Variants in NBEAL1 observed in about 807,000 individuals in gnomAD.
NBEAL1 encodes neurobeachin-like protein 1.
Under a neutral mutation model 351.3 loss-of-function variants are expected in NBEAL1, and 273 were observed. That is an observed-to-expected ratio of 0.78 (90% confidence interval 0.70 to 0.86). NBEAL1 has a LOEUF of 0.86. Among genes scored for constraint, NBEAL1 ranks in the 40% least tolerant of loss-of-function variants. The probability of loss-of-function intolerance (pLI) is 0.00; values close to 1 mark genes in which losing one functional copy is unlikely to be tolerated. For synonymous variants in NBEAL1, 1,050 were observed against 1,086.4 expected (o/e 0.97, Z 0.66); for missense variants, 2,961 against 3,201.3 (o/e 0.92, Z 1.81).
chr2:203,156,411 A>G (rs1297234158), intron 35 of NBEAL1, among the ~76,000 whole-genome samples: 1 of 152,186 alleles, frequency 6.6e-6, no homozygotes, highest in African/African-American at 2.4e-5. Flanking sequence ...CAGATTTTCA[A>G]TTCATACTGT....
upstream of NBEAL1, chr2:203,014,683 A>C (rs2060646765): frequency 6.6e-6 from 1 of 152,334 alleles, no homozygotes; most frequent in Non-Finnish European, 1.5e-5. Context: ...ATGGGCAGCC[A>C]GAGCCTGTCG....
intron 2 of NBEAL1, among the ~76,000 whole-genome samples, chr2:203,031,658 C>A (rs2060950913): frequency 6.6e-6 from 1 of 151,922 alleles, no homozygotes; most frequent in East Asian, 1.9e-4. Flanking sequence ...AAAAAAGTGA[C>A]CTGGCAGTTT....
intron 31 of NBEAL1, among the ~76,000 whole-genome samples, chr2:203,140,095 G>A (rs1010304362): frequency 1.6e-4 from 25 of 151,840 alleles, no homozygotes; most frequent in Admixed American, 8.5e-4. Flanking sequence ...GAGGTCCGAA[G>A]TTTGAGACCA....
chr2:203,210,889 A>G (rs2065769617), intron 53 of NBEAL1, 69 bp from the exon 54 acceptor site: 5 of 855,174 alleles, frequency 5.8e-6, no homozygotes, highest in Non-Finnish European at 8.8e-6. Flanking sequence ...TTATAGTCAG[A>G]GTTTTAACTG....
intron 6 of NBEAL1, among the ~76,000 whole-genome samples, chr2:203,059,408 T>C (rs995844938): frequency 1.3e-5 from 2 of 152,268 alleles, no homozygotes; most frequent in Admixed American, 1.3e-4. Flanking sequence ...GAGCCTCTAC[T>C]CATCAGAGCT....
At chr2:203,209,452 C>A in intron 53 of NBEAL1, 130 bp downstream of exon 53, 1 of 684,322 alleles carries the variant, frequency 1.5e-6, no homozygotes, top group Non-Finnish European at 2.4e-6. Context: ...TTTCATCATT[C>A]AGTTGTTCGT....
At chr2:203,065,721 C>T (rs573578010) in intron 6 of NBEAL1, among the ~76,000 whole-genome samples, 20 of 151,992 alleles carry the variant, frequency 1.3e-4, no homozygotes, top group African/African-American at 4.8e-4. Flanking sequence ...CACTGCACTC[C>T]AGCCTGGGCG....
intron 4 of NBEAL1, among the ~76,000 whole-genome samples, chr2:203,051,035 A>G (rs1468199175): frequency 6.6e-6 from 1 of 152,180 alleles, no homozygotes; most frequent in African/African-American, 2.4e-5. Flanking sequence ...TAAATATTTT[A>G]TAATTAATTA....
chr2:203,185,166 C>T (rs1354529152), intron 44 of NBEAL1, among the ~76,000 whole-genome samples: 1 of 152,140 alleles, frequency 6.6e-6, no homozygotes, highest in African/African-American at 2.4e-5. Context: ...TTGTGGTTTT[C>T]AGAGTGTCTT....
intron 8 of NBEAL1, among the ~76,000 whole-genome samples, chr2:203,081,457 CAT>C (rs1559352250): frequency 6.6e-6 from 1 of 152,088 alleles, no homozygotes; most frequent in African/African-American, 2.4e-5. Flanking sequence ...GACTAAATGA[CAT>C]AATATATGTA....
intron 2 of NBEAL1, among the ~76,000 whole-genome samples, chr2:203,021,319 TGTG>T (rs1194775192): frequency 6.7e-6 from 1 of 149,912 alleles, no homozygotes; most frequent in Non-Finnish European, 1.5e-5. Context: ...TCAGGGCAGG[TGTG>T]GTGGCTCATG....
At chr2:203,020,858 T>C (rs911286425) in intron 2 of NBEAL1, among the ~76,000 whole-genome samples, 3 of 152,164 alleles carry the variant, frequency 2.0e-5, no homozygotes, top group Non-Finnish European at 4.4e-5. Context: ...TAACTACTTC[T>C]TGTCTGAGTG....
At chr2:203,157,222 T>C (rs2063819472) in intron 35 of NBEAL1, among the ~76,000 whole-genome samples, 1 of 152,154 alleles carries the variant, frequency 6.6e-6, no homozygotes, top group South Asian at 2.1e-4. Flanking sequence ...GAATTATGTA[T>C]TAAGTTCCAT....
Position 203,174,858 on chromosome 2 carries a change from CAAATAAAT to C in NBEAL1, c.6324-257_6324-250del, listed in dbSNP as rs34190645. Among the ~76,000 whole-genome samples the C allele has an allele frequency of 4.6e-3, 654 of 143,360 alleles. 5 individuals carry two copies. The Middle Eastern group carries it at 0.046, about 10-fold the overall frequency. The allele number at this position is 143,360 out of a possible 152,430, so 94.0% of individuals were successfully genotyped here. A position where few individuals can be genotyped will look rare whatever the true frequency, so the allele number is the denominator to read the frequency against. ...GTGAGCCGAGAGCGAGACTCTGTCT[CAAATAAAT>C]AAATAAATAAATAAATAAATAAATA... On this transcript the variant is annotated intron_variant, in intron 41 of 55. Transcript: ENST00000683969.
At chr2:203,125,901 A>T in intron 20 of NBEAL1, 59 bp from the exon 21 acceptor site, 1 of 1,372,146 alleles carries the variant, frequency 7.3e-7, no homozygotes, top group Non-Finnish European at 9.7e-7. Context: ...AGATATAGAA[A>T]ATGTGATATA....
chr2:203,136,032 A>G lies in NBEAL1; in HGVS notation c.4169A>G (p.Glu1390Gly), dbSNP rs1304231451. The change falls in exon 28 of 56, where the codon GAG becomes GGG. Residue 1390 changes from glutamate (E) to glycine (G), a missense_variant. By Grantham distance (98) the Glu-to-Gly change is moderately conservative. Coordinates refer to ENST00000683969, the MANE Select transcript of NBEAL1 (RefSeq NM_001378026.1). ...GELSFKSENQ[E>G]EFWHSNPSHL... ...TTGTCTTTCAAATCAGAGAATCAAGAGGAATTCTGGCATAGTAACCCTTCA... is the reference window on the plus strand; with the variant it reads ...TTGTCTTTCAAATCAGAGAATCAAGGGGAATTCTGGCATAGTAACCCTTCA... 2 of 1,613,658 alleles carry G rather than the reference A, an allele frequency of 1.2e-6. No individual in the cohort carries two copies. Among genetic ancestry groups the G allele is most frequent in the Non-Finnish European group, 8.5e-7 (1 of 1,179,790 alleles).
rs549819867 is a variant in NBEAL1 at position 203,085,017 on chromosome 2, T to C, written c.1098+448T>C. Reference sequence around the variant, plus strand: ...AGGCCACTGATTATAGGGAGTGTTATATAAAACATGTGGATTGCTTGGTGC... The same window carrying C: ...AGGCCACTGATTATAGGGAGTGTTACATAAAACATGTGGATTGCTTGGTGC... On this transcript the variant is annotated intron_variant, in intron 10 of 55. Coordinates refer to ENST00000683969, the MANE Select transcript of NBEAL1 (RefSeq NM_001378026.1). 28 of 155,526 alleles carry C rather than the reference T, an allele frequency of 1.8e-4. No homozygotes were observed. In the South Asian group the frequency reaches 5.3e-3, roughly 29 times the overall value. 9.6% of individuals were successfully genotyped at this position (155,526 alleles called of 1,614,324 possible).
intron 51 of NBEAL1, among the ~76,000 whole-genome samples, chr2:203,205,751 C>T (rs1411049468): frequency 6.6e-6 from 1 of 151,984 alleles, no homozygotes; most frequent in Non-Finnish European, 1.5e-5. Context: ...GATATGCAAT[C>T]TTTACCAAAT....
chr2:203,040,753 C>G, intron 2 of NBEAL1: 3 of 569,566 alleles, frequency 5.3e-6, no homozygotes, highest in Admixed American at 1.9e-5. Context: ...GGTGACCCAT[C>G]ATGCTCAGGC....
Sources: allele counts gnomAD v4.1 joint callset (sites outside exome capture counted in the v4.1 genomes callset), GRCh38; gene constraint gnomAD v4.1.1; transcripts MANE v1.5; gene names NCBI Gene and HGNC (gene_info 2026-07-23, HGNC 2026-07-21).